Variants in MYO3B observed in about 807,000 individuals in gnomAD.
MYO3B encodes the protein myosin IIIB.
Under a neutral mutation model 174.6 loss-of-function variants are expected in MYO3B, and 156 were observed. The ratio of observed to expected loss-of-function variants is 0.89; its 90% confidence interval spans 0.78 to 1.02. The LOEUF (loss-of-function observed/expected upper bound fraction) is 1.02, where lower values mean the gene tolerates loss of function less well. MYO3B is among the 50% of genes least tolerant of loss of function. The pLI, the probability that MYO3B is intolerant of heterozygous loss-of-function variation, is 0.00. For synonymous variants in MYO3B, 563 were observed against 569.1 expected (o/e 0.99, Z 0.15); for missense variants, 1,632 against 1,639.4 (o/e 1.00, Z 0.08).
chr2:170,515,662 G>C (rs1450601025), intron 29 of MYO3B, among the ~76,000 whole-genome samples: 1 of 152,024 alleles, frequency 6.6e-6, no homozygotes, highest in African/African-American at 2.4e-5. Flanking sequence ...GAGAGGCTAT[G>C]ATTTTTGAAG....
At chr2:170,304,807 AG>A (rs2093689929) in intron 7 of MYO3B, among the ~76,000 whole-genome samples, 2 of 151,616 alleles carry the variant, frequency 1.3e-5, no homozygotes, top group South Asian at 2.1e-4. Flanking sequence ...ATATTTTCTT[AG>A]TAATGTATTA....
chr2:170,470,102 C>CA (rs34472083), intron 25 of MYO3B, among the ~76,000 whole-genome samples: 4,929 of 46,306 alleles, frequency 0.11, 801 homozygotes, highest in East Asian at 0.45. Context: ...AACTCCGTCT[C>CA]AAAAAAAAAA....
chr2:170,638,798 C>T (rs1024413278), intron 32 of MYO3B, among the ~76,000 whole-genome samples: 1 of 152,204 alleles, frequency 6.6e-6, no homozygotes, highest in Admixed American at 6.5e-5. Flanking sequence ...AAAATTACTA[C>T]CTCAGTCCAC....
At chr2:170,219,480 C>G (rs887961398) in intron 6 of MYO3B, among the ~76,000 whole-genome samples, 2 of 152,088 alleles carry the variant, frequency 1.3e-5, no homozygotes, top group Non-Finnish European at 2.9e-5. Flanking sequence ...CCCATCTCTA[C>G]TAAAAATACA....
At chr2:170,398,906 ATC>A (rs921380970) in intron 16 of MYO3B, among the ~76,000 whole-genome samples, 1 of 152,152 alleles carries the variant, frequency 6.6e-6, no homozygotes, top group African/African-American at 2.4e-5. Context: ...GTTGAAAAAT[ATC>A]TATGTATAGG....
intron 32 of MYO3B, among the ~76,000 whole-genome samples, chr2:170,566,859 A>G (rs1692107074): frequency 6.6e-6 from 1 of 152,186 alleles, no homozygotes; most frequent in African/African-American, 2.4e-5. Context: ...AGTAGAGTGC[A>G]TGAATCCTTT....
intron 8 of MYO3B, among the ~76,000 whole-genome samples, chr2:170,356,263 C>A (rs542682762): frequency 4.6e-5 from 7 of 150,922 alleles, no homozygotes; most frequent in Admixed American, 2.6e-4. Context: ...GCCTGGCCAA[C>A]AGGCTTCGGT....
At chr2:170,590,047 G>T (rs759379) in intron 32 of MYO3B, among the ~76,000 whole-genome samples, 2,042 of 152,282 alleles carry the variant, frequency 0.013, 41 homozygotes, top group African/African-American at 0.046. Context: ...ACCTAGGTAT[G>T]TAGTAGGCTG....
intron 32 of MYO3B, among the ~76,000 whole-genome samples, chr2:170,609,327 G>A (rs994312451): frequency 2.0e-5 from 3 of 152,082 alleles, no homozygotes. Flanking sequence ...ACACGTACAT[G>A]TCATACAAGC....
chr2:170,181,444 T>A (rs1325580450), intron 1 of MYO3B, among the ~76,000 whole-genome samples: 1 of 152,126 alleles, frequency 6.6e-6, no homozygotes, highest in Non-Finnish European at 1.5e-5. Flanking sequence ...TTTTCTTGAC[T>A]TATTATTCTG....
chr2:170,445,776 G>A (rs1206689716), intron 23 of MYO3B, among the ~76,000 whole-genome samples: 1 of 152,116 alleles, frequency 6.6e-6, no homozygotes, highest in Admixed American at 6.5e-5. Context: ...TAGGACTATA[G>A]GTGGGCACCA....
In MYO3B at chr2:170,570,716, C is replaced by T. The variant is rs372372070; in HGVS notation, c.3733+26728C>T. Among the ~76,000 whole-genome samples the T allele has an allele frequency of 2.0e-5, 3 of 152,316 alleles. No individual in the cohort carries two copies. The South Asian group carries it at 6.2e-4, about 32-fold the overall frequency. Reference sequence around the variant, plus strand: ...CAAATGACCATTTTGATTATTTGTCCTTGAAGAAACAGTCATTTGCGCGTT... The same window carrying T: ...CAAATGACCATTTTGATTATTTGTCTTTGAAGAAACAGTCATTTGCGCGTT... On this transcript the variant is annotated intron_variant, in intron 32 of 34. Coordinates refer to ENST00000408978, the MANE Select transcript of MYO3B (RefSeq NM_138995.5).
intron 8 of MYO3B, among the ~76,000 whole-genome samples, chr2:170,363,558 G>C (rs1390414449): frequency 1.3e-5 from 2 of 152,142 alleles, no homozygotes; most frequent in Admixed American, 6.5e-5. Flanking sequence ...TCCCGTTTTT[G>C]CCTGTTTTTG....
intron 29 of MYO3B, among the ~76,000 whole-genome samples, chr2:170,518,552 G>C (rs1210350974): frequency 6.6e-6 from 1 of 152,172 alleles, no homozygotes; most frequent in South Asian, 2.1e-4. Flanking sequence ...ATGTCTAGGG[G>C]CTGGTCCTAG....
At chr2:170,563,404 T>G (rs763293813) in intron 32 of MYO3B, among the ~76,000 whole-genome samples, 9 of 152,062 alleles carry the variant, frequency 5.9e-5, no homozygotes, top group Non-Finnish European at 1.3e-4. Context: ...ATAGGAGTCA[T>G]GAGAAGAGAG....
intron 32 of MYO3B, among the ~76,000 whole-genome samples, chr2:170,568,440 G>C (rs1692214909): frequency 6.6e-6 from 1 of 152,200 alleles, no homozygotes; most frequent in Admixed American, 6.5e-5. Context: ...GTTCAGGAGT[G>C]AAGGCATATG....
chr2:170,500,994 G>T (rs1262613805), intron 27 of MYO3B, among the ~76,000 whole-genome samples: 2 of 152,188 alleles, frequency 1.3e-5, no homozygotes, highest in South Asian at 2.1e-4. Context: ...TTTCCCTTAT[G>T]CTCTCATAAC....
intron 32 of MYO3B, among the ~76,000 whole-genome samples, chr2:170,631,670 C>T (rs1319827776): frequency 1.3e-5 from 2 of 151,962 alleles, no homozygotes; most frequent in Non-Finnish European, 2.9e-5. Flanking sequence ...TCGGGTTACC[C>T]ACAAAGGGAA....
chr2:170,621,135 C>T (rs1011301709), intron 32 of MYO3B, among the ~76,000 whole-genome samples: 4 of 152,044 alleles, frequency 2.6e-5, no homozygotes, highest in Admixed American at 1.3e-4. Flanking sequence ...GCAATCCACC[C>T]GCCTCGGCCT....
Sources: allele counts gnomAD v4.1 joint callset (sites outside exome capture counted in the v4.1 genomes callset), GRCh38; gene constraint gnomAD v4.1.1; transcripts MANE v1.5; gene names NCBI Gene and HGNC (gene_info 2026-07-23, HGNC 2026-07-21).